RORA: variants seen among roughly 807,000 people sequenced by gnomAD.
RORA encodes the protein RAR related orphan receptor A, also known as nuclear receptor ROR-alpha.
A neutral mutation model predicts 69.5 loss-of-function variants in RORA; 7 were observed. That is an observed-to-expected ratio of 0.10 (90% confidence interval 0.06 to 0.19). The LOEUF is 0.19. RORA is among the 10% of genes least tolerant of loss of function. The pLI, the probability that RORA is intolerant of heterozygous loss-of-function variation, is 1.00. For missense variants in RORA, 457 were observed against 663.0 expected (o/e 0.69, Z 3.41); for synonymous variants, 261 against 240.8 (o/e 1.08, Z -0.78).
intron 1 of RORA, among the ~76,000 whole-genome samples, chr15:60,992,516 T>C (rs1450524489): frequency 1.3e-5 from 2 of 152,206 alleles, no homozygotes; most frequent in African/African-American, 4.8e-5. Context: ...TAGATCTTCC[T>C]ATCCCCCACA....
At chr15:60,834,283 T>C (rs897302866) in intron 1 of RORA, among the ~76,000 whole-genome samples, 39 of 152,102 alleles carry the variant, frequency 2.6e-4, no homozygotes, top group Non-Finnish European at 1.3e-4. Flanking sequence ...CATTTCTGAG[T>C]GGTTTTAAAA....
intron 1 of RORA, among the ~76,000 whole-genome samples, chr15:60,753,879 C>A (rs2071761015): frequency 1.3e-5 from 2 of 152,196 alleles, no homozygotes; most frequent in South Asian, 4.1e-4. Context: ...CTTCTATTAT[C>A]CCGTTTGATC....
intron 1 of RORA, among the ~76,000 whole-genome samples, chr15:60,846,501 G>A (rs1047595328): frequency 2.0e-5 from 3 of 152,070 alleles, no homozygotes; most frequent in Admixed American, 1.3e-4. Flanking sequence ...CCCCTTTTTG[G>A]AATGCAGATA....
chr15:60,723,625 A>G (rs1462098198), intron 1 of RORA, among the ~76,000 whole-genome samples: 2 of 152,200 alleles, frequency 1.3e-5, no homozygotes, highest in African/African-American at 4.8e-5. Flanking sequence ...CAAATATGGA[A>G]TAAACTCATG....
chr15:60,626,481 G>A (rs554656658), intron 2 of RORA, among the ~76,000 whole-genome samples: 27 of 152,182 alleles, frequency 1.8e-4, no homozygotes, highest in African/African-American at 6.0e-4. Context: ...ATGAGTAGCC[G>A]CGTTCTCATG....
chr15:60,870,919 AT>A (rs1457528308), intron 1 of RORA, among the ~76,000 whole-genome samples: 3 of 152,294 alleles, frequency 2.0e-5, no homozygotes, highest in Admixed American at 2.0e-4. Flanking sequence ...GCCAAGAAGT[AT>A]TTTTTAAACA....
intron 1 of RORA, among the ~76,000 whole-genome samples, chr15:60,887,834 C>G (rs2073768500): frequency 1.3e-5 from 2 of 152,284 alleles, no homozygotes; most frequent in Middle Eastern, 3.4e-3. Context: ...GTGGAGGTTC[C>G]AGCAATGGTA....
At chr15:60,532,155 G>GGA (rs2066543570) in intron 2 of RORA, among the ~76,000 whole-genome samples, 2 of 152,158 alleles carry the variant, frequency 1.3e-5, no homozygotes, top group Admixed American at 1.3e-4. Flanking sequence ...TTAGGCCTCA[G>GGA]AGCAAAGCAG....
At chr15:61,001,259 C>G (rs185118207) in intron 1 of RORA, among the ~76,000 whole-genome samples, 2 of 152,314 alleles carry the variant, frequency 1.3e-5, no homozygotes, top group East Asian at 3.9e-4. Context: ...AATTAAAAAT[C>G]CCTGTGAGGG....
intron 1 of RORA, among the ~76,000 whole-genome samples, chr15:61,138,868 G>A (rs915288952): frequency 3.2e-4 from 48 of 152,090 alleles, no homozygotes; most frequent in Non-Finnish European, 4.9e-4. Flanking sequence ...AACACAGGCC[G>A]GGCGCAGTGG....
chr15:61,054,173 C>T (rs2078057068), intron 1 of RORA, among the ~76,000 whole-genome samples: 1 of 151,962 alleles, frequency 6.6e-6, no homozygotes, highest in Admixed American at 6.6e-5. Flanking sequence ...GTTTAAGGAT[C>T]ACTTTGGCCA....
At chr15:60,940,136 T>C (rs1389852396) in intron 1 of RORA, among the ~76,000 whole-genome samples, 1 of 152,150 alleles carries the variant, frequency 6.6e-6, no homozygotes, top group African/African-American at 2.4e-5. Context: ...TTCACTCTAA[T>C]AGTGATGGTG....
chr15:61,220,640 C>G (rs186723648), intron 1 of RORA, among the ~76,000 whole-genome samples: 4 of 152,132 alleles, frequency 2.6e-5, no homozygotes, highest in African/African-American at 4.8e-5. Context: ...TCAATAAACA[C>G]GGCTGCCAAT....
intron 2 of RORA, among the ~76,000 whole-genome samples, chr15:60,604,048 G>A (rs1424317395): frequency 6.7e-6 from 1 of 148,482 alleles, no homozygotes; most frequent in Non-Finnish European, 1.5e-5. Context: ...CAGGAGAATC[G>A]CTTGACCCTG....
chr15:61,009,253 G>A (rs1041494753), intron 1 of RORA, among the ~76,000 whole-genome samples: 2 of 152,196 alleles, frequency 1.3e-5, no homozygotes, highest in Non-Finnish European at 2.9e-5. Flanking sequence ...CCGGGGGAGG[G>A]ATGGGTAGGA....
At chr15:60,570,967 C>T (rs929589496) in intron 2 of RORA, among the ~76,000 whole-genome samples, 9 of 152,162 alleles carry the variant, frequency 5.9e-5, no homozygotes, top group Non-Finnish European at 1.3e-4. Context: ...CCATATTAAT[C>T]GGCTATTTTG....
Position 60,629,187 on chromosome 15 carries a change from C to CTTTTTTTTTTTTTTTTTT in RORA, c.196+49452_196+49469dup, listed in dbSNP as rs34687322. On this transcript the variant is annotated intron_variant, in intron 2 of 10. Transcript: ENST00000335670. Reference sequence around the variant, plus strand: ...TGTTTATAAGGATTGACTGTTTATTCTTTTTTTTTTTTTTTTTTGAAACAG... The same window carrying CTTTTTTTTTTTTTTTTTT: ...TGTTTATAAGGATTGACTGTTTATTCTTTTTTTTTTTTTTTTTTTTTTTTTTTTTTTTTTTTGAAACAG... 2.7e-5 allele frequency among the ~76,000 whole-genome samples: 3 copies of CTTTTTTTTTTTTTTTTTT among 112,030 alleles called. 1 individual carries two copies. The highest frequency in any genetic ancestry group is 1.1e-4 in the African/African-American group (3 of 26,976). 73.5% of individuals were successfully genotyped at this position (112,030 alleles called of 152,430 possible). A position where few individuals can be genotyped will look rare whatever the true frequency, so the allele number is the denominator to read the frequency against.
chr15:60,786,958 G>A (rs1377769106), intron 1 of RORA, among the ~76,000 whole-genome samples: 1 of 152,244 alleles, frequency 6.6e-6, no homozygotes, highest in Non-Finnish European at 1.5e-5. Context: ...CTCAGGGTCA[G>A]TGTCTCAGGA....
chr15:60,510,843 C>T (rs1415771752), intron 5 of RORA, among the ~76,000 whole-genome samples: 3 of 151,764 alleles, frequency 2.0e-5, no homozygotes, highest in Admixed American at 6.6e-5. Flanking sequence ...AAAAATATGT[C>T]TGTGGGCCAA....
Sources: allele counts gnomAD v4.1 joint callset (sites outside exome capture counted in the v4.1 genomes callset), GRCh38; gene constraint gnomAD v4.1.1; transcripts MANE v1.5; gene names NCBI Gene and HGNC (gene_info 2026-07-23, HGNC 2026-07-21).